TTI1: variants seen among roughly 807,000 people sequenced by gnomAD.
The protein encoded by TTI1 is TELO2-interacting protein 1 homolog.
A neutral mutation model predicts 85.4 loss-of-function variants in TTI1; 52 were observed. The observed-to-expected ratio is 0.61, with a 90% confidence interval of 0.49 to 0.77. TTI1 has a LOEUF of 0.77. Ranked by LOEUF, TTI1 falls within the 30% of genes least tolerant of loss-of-function variation. The pLI is 0.00. For synonymous variants in TTI1, 512 were observed against 503.9 expected, an observed-to-expected ratio of 1.02 and a Z score of -0.22; for missense variants, 1,173 against 1,296.0, an observed-to-expected ratio of 0.91 and a Z score of 1.46.
At chr20:37,998,470 C>T (rs1211103453) in intron 5 of TTI1, among the ~76,000 whole-genome samples, 1 of 151,688 alleles carries the variant, frequency 6.6e-6, no homozygotes. Context: ...TAATTTATGG[C>T]AGCTCGCTGT....
At chr20:37,987,079 T>C (rs1222342282) in intron 7 of TTI1, 1 of 436,686 alleles carries the variant, frequency 2.3e-6, no homozygotes, top group East Asian at 7.1e-5. Context: ...GGCGGCCTGC[T>C]GAACTCTAAA....
At chr20:38,017,305 C>T (rs977551917) in intron 1 of TTI1, among the ~76,000 whole-genome samples, 4 of 151,984 alleles carry the variant, frequency 2.6e-5, no homozygotes, top group Non-Finnish European at 5.9e-5. Context: ...AAATAAATTA[C>T]AAAAATCATT....
intron 7 of TTI1, among the ~76,000 whole-genome samples, chr20:37,995,106 G>A (rs1159319130): frequency 1.3e-5 from 2 of 152,178 alleles, no homozygotes; most frequent in East Asian, 3.8e-4. Flanking sequence ...ACCGCCCAGG[G>A]AGGACTATTT....
In TTI1 at chr20:38,012,254, T is replaced by C; in HGVS notation, c.1563A>G (p.Gln521=). The change falls in exon 2 of 8, where the codon CAA becomes CAG. Residue 521 remains glutamine, a synonymous_variant. Transcript: ENST00000373447. Reference sequence around the variant, plus strand: ...CCAGTTCATTAAGGATCATGGCAGCTTGCTTCCGGTAAACCACAGATTGAT... The same window carrying C: ...CCAGTTCATTAAGGATCATGGCAGCCTGCTTCCGGTAAACCACAGATTGAT... ...LYHQSVVYRK[Q]AAMILNELVT... is the part of the protein sequence containing the mutation. 6.2e-7 allele frequency: 1 copy of C among 1,614,218 alleles called. No individual in the cohort carries two copies. The highest frequency in any genetic ancestry group is 8.5e-7 in the Non-Finnish European group (1 of 1,180,036).
chr20:38,012,615 A>T lies in TTI1; in HGVS notation c.1202T>A (p.Leu401His), dbSNP rs1179649765. The T allele has an allele frequency of 3.1e-6, 5 of 1,614,208 alleles. No individual in the cohort carries two copies. In the South Asian group the frequency reaches 5.5e-5, roughly 18 times the overall value. The change falls in exon 2 of 8, where the codon CTT becomes CAT. Residue 401 changes from leucine (L) to histidine (H), a missense_variant. By Grantham distance (99) the Leu-to-His change is moderately conservative. Coordinates refer to ENST00000373447, the MANE Select transcript of TTI1 (RefSeq NM_001303457.2). ...TTTCAGATAACCAAGTAACAAGGAAAGAGTAGAGAATTTGCCCTGGTCATC... is the reference window on the plus strand; with the variant it reads ...TTTCAGATAACCAAGTAACAAGGAATGAGTAGAGAATTTGCCCTGGTCATC... ...SQDDQGKFST[L>H]SLLLGYLKLL... is the part of the protein sequence containing the mutation.
At chr20:38,003,689 T>C (rs1345355049) in intron 3 of TTI1, among the ~76,000 whole-genome samples, 1 of 150,272 alleles carries the variant, frequency 6.7e-6, no homozygotes, top group Non-Finnish European at 1.5e-5. Flanking sequence ...GAGGCAGAGG[T>C]TGCAATGAGC....
At position 38,013,745 on chromosome 20, in the gene TTI1, G is replaced by A; in HGVS notation, c.72C>T (p.Thr24=). ...LRPVCVQLTK[T]QTVENVEHLQ... ...GATGCTCCACATTCTCCACTGTCTG[G>A]GTCTTTGTGAGCTGAACACAGACTG... The change falls in exon 2 of 8, where the codon ACC becomes ACT. Residue 24 remains threonine (T), a synonymous_variant. Coordinates refer to ENST00000373447, the MANE Select transcript of TTI1 (RefSeq NM_001303457.2). 1 of 1,614,094 alleles carries A rather than the reference G, an allele frequency of 6.2e-7. No individual in the cohort carries two copies.
intron 7 of TTI1, among the ~76,000 whole-genome samples, chr20:37,995,468 T>A (rs6022277): frequency 0.28 from 42,846 of 152,170 alleles, 7,847 homozygotes; most frequent in African/African-American, 0.53. Flanking sequence ...GCTAGGAAGA[T>A]GCAGGGATTC....
At chr20:37,997,424 G>A (rs904853592) in intron 5 of TTI1, among the ~76,000 whole-genome samples, 14 of 152,202 alleles carry the variant, frequency 9.2e-5, no homozygotes, top group Non-Finnish European at 1.6e-4. Context: ...TGACTGGGCC[G>A]AGGTCCCTGG....
At chr20:37,985,513 TG>T (rs2073179021) in intron 7 of TTI1, among the ~76,000 whole-genome samples, 1 of 149,654 alleles carries the variant, frequency 6.7e-6, no homozygotes, top group African/African-American at 2.5e-5. Context: ...GTGGGGAGGG[TG>T]GACAAGGGCA....
At chr20:37,986,177 A>G (rs945415147) in intron 7 of TTI1, among the ~76,000 whole-genome samples, 1 of 152,158 alleles carries the variant, frequency 6.6e-6, no homozygotes, top group Non-Finnish European at 1.5e-5. Flanking sequence ...GAGCTGGAAC[A>G]ATTTCTCAAG....
intron 1 of TTI1, among the ~76,000 whole-genome samples, chr20:38,019,962 A>G (rs2073739876): frequency 6.6e-6 from 1 of 152,208 alleles, no homozygotes; most frequent in African/African-American, 2.4e-5. Context: ...CCATTGGTAG[A>G]GTCAGCATAA....
chr20:37,998,637 C>T (rs938119686), intron 5 of TTI1, among the ~76,000 whole-genome samples: 3 of 152,204 alleles, frequency 2.0e-5, no homozygotes, highest in Non-Finnish European at 2.9e-5. Context: ...TTTCACCAAA[C>T]AGTCCCATTT....
intron 1 of TTI1, among the ~76,000 whole-genome samples, chr20:38,030,457 A>G (rs2073892044): frequency 6.6e-6 from 1 of 152,100 alleles, no homozygotes; most frequent in Non-Finnish European, 1.5e-5. Flanking sequence ...AAAAATCTAT[A>G]GACCAATTTC....
chr20:38,008,532 T>A (rs2073535145), intron 2 of TTI1, among the ~76,000 whole-genome samples: 1 of 152,216 alleles, frequency 6.6e-6, no homozygotes, highest in African/African-American at 2.4e-5. Context: ...TTGTTATGAA[T>A]AATCAGCTAA....
At chr20:38,014,713 C>A (rs1179997719) in intron 1 of TTI1, among the ~76,000 whole-genome samples, 1 of 151,804 alleles carries the variant, frequency 6.6e-6, no homozygotes, top group Non-Finnish European at 1.5e-5. Context: ...GGCGAGCAGG[C>A]AAAGGAGAAA....
intron 1 of TTI1, among the ~76,000 whole-genome samples, chr20:38,018,557 A>G (rs761414278): frequency 2.3e-4 from 35 of 152,304 alleles, no homozygotes; most frequent in Non-Finnish European, 4.1e-4. Context: ...AAAACAAATG[A>G]AAGAGATCAA....
chr20:38,013,937 A>T (rs2073644102), intron 1 of TTI1, 80 bp from the exon 2 acceptor site: 4 of 1,432,988 alleles, frequency 2.8e-6, no homozygotes, highest in Non-Finnish European at 3.7e-6. Context: ...CATTCAACAG[A>T]CATTTACCTG....
At position 38,002,658 on chromosome 20, in the gene TTI1, C is replaced by T. The variant is rs1249083442; in HGVS notation, c.2622G>A (p.Leu874=). 6 of 1,613,984 alleles carry T rather than the reference C, an allele frequency of 3.7e-6. No homozygotes were observed. The highest frequency in any genetic ancestry group is 5.1e-6 in the Non-Finnish European group (6 of 1,179,986). ...MDVMERCIHL[L]SDKNLQIRLK... is the part of the protein sequence containing the mutation. Reference sequence around the variant, plus strand: ...GGCGGATTTGCAGATTTTTATCTGACAACAAGTGGATGCAGCGTTCCATCA... The same window carrying T: ...GGCGGATTTGCAGATTTTTATCTGATAACAAGTGGATGCAGCGTTCCATCA... Residue 874 remains leucine (L), a synonymous_variant, in exon 4 of 8, where the codon TTG becomes TTA. Coordinates refer to ENST00000373447, the MANE Select transcript of TTI1 (RefSeq NM_001303457.2).
Sources: gnomAD v4.1 joint callset for allele counts (sites outside exome capture counted in the v4.1 genomes callset) on GRCh38, gnomAD v4.1.1 for gene constraint, MANE v1.5 for transcripts, NCBI Gene and HGNC (gene_info 2026-07-23, HGNC 2026-07-21) for gene names.